OSBPL11: variants seen among roughly 807,000 people sequenced by gnomAD.
OSBPL11 encodes the protein oxysterol binding protein like 11, also known as oxysterol-binding protein-related protein 11.
Under a neutral mutation model 84.4 loss-of-function variants are expected in OSBPL11, and 33 were observed. The ratio of observed to expected loss-of-function variants is 0.39; its 90% CI spans 0.30 to 0.52. The LOEUF is 0.52. Among genes scored for constraint, OSBPL11 ranks in the 20% least tolerant of loss-of-function variants. The pLI, the probability that OSBPL11 is intolerant of heterozygous loss-of-function variation, is 0.72. For synonymous variants in OSBPL11, 276 were observed against 310.2 expected, an observed-to-expected ratio of 0.89 and a Z score of 1.16; for missense variants, 736 against 901.1, an observed-to-expected ratio of 0.82 and a Z score of 2.35.
chr3:125,545,168 T>C (rs889102727), intron 10 of OSBPL11, among the ~76,000 whole-genome samples: 2 of 152,226 alleles, frequency 1.3e-5, no homozygotes, highest in African/African-American at 4.8e-5. Context: ...GGAGAGCTAC[T>C]GAAGAAGACA....
chr3:125,594,046 G>A (rs980377183), intron 1 of OSBPL11, among the ~76,000 whole-genome samples: 2 of 152,188 alleles, frequency 1.3e-5, no homozygotes, highest in South Asian at 2.1e-4. Context: ...CATCAACACA[G>A]AGAGCATTGA....
At position 125,552,397 on chromosome 3, in the gene OSBPL11, C is replaced by T. The variant is rs1317502506; in HGVS notation, c.1438G>A (p.Gly480Arg). ...SSVFSSSSTQGVTNHAPLSGE... is the reference protein window; with the variant it reads ...SSVFSSSSTQRVTNHAPLSGE... ...GATAAAGGAGCATGATTTGTGACTC[C>T]CTGGGTGGAAGAACTGCTAAAAACA... The change falls in exon 9 of 13, where the codon GGA (glycine) becomes AGA (arginine). Residue 480 changes from glycine to arginine, a missense_variant. Gly to Arg is a moderately radical substitution (Grantham distance 125). Transcript: ENST00000296220. 7 of 1,613,926 alleles carry T rather than the reference C, an allele frequency of 4.3e-6. No individual in the cohort carries two copies. The highest frequency in any genetic ancestry group is 5.9e-6 in the Non-Finnish European group (7 of 1,180,004).
Position 125,531,727 on chromosome 3 carries a change from A to AGTT in OSBPL11, c.2178+131_2178+133dup, listed in dbSNP as rs1320891520. 57 of 828,500 alleles carry AGTT rather than the reference A, an allele frequency of 6.9e-5. No individual in the cohort carries two copies. In the African/African-American group the frequency reaches 9.6e-4, roughly 14 times the overall value. The allele number at this position is 828,500 out of a possible 1,614,324, so 51.3% of individuals were successfully genotyped here. ...GGTTACCCAGGCTGGTCTCAAAAACAGTTGGTATTTATATACAGCCATACT... is the reference window on the plus strand; with the variant it reads ...GGTTACCCAGGCTGGTCTCAAAAACAGTTGTTGGTATTTATATACAGCCATACT... On this transcript the variant is annotated intron_variant, in intron 12 of 12. Transcript: ENST00000296220.
intron 6 of OSBPL11, among the ~76,000 whole-genome samples, chr3:125,566,012 T>C (rs1338010559): frequency 6.6e-5 from 10 of 152,062 alleles, no homozygotes; most frequent in Non-Finnish European, 1.5e-4. Flanking sequence ...CACGTTATTA[T>C]TATTATTTTT....
At position 125,579,940 on chromosome 3, in the gene OSBPL11, C is replaced by T. The variant is rs1936395090; in HGVS notation, c.334G>A (p.Val112Ile). 6.2e-7 allele frequency: 1 copy of T among 1,614,216 alleles called. No individual in the cohort carries two copies. Among genetic ancestry groups the T allele is most frequent in the Non-Finnish European group, 8.5e-7 (1 of 1,180,030 alleles). The change falls in exon 3 of 13, where the codon GTA becomes ATA. Residue 112 changes from valine to isoleucine, a missense_variant. Coordinates refer to ENST00000296220, the MANE Select transcript of OSBPL11 (RefSeq NM_022776.5). ...PRGTLQLAGAVISPSDEDSHT... is the reference protein window; with the variant it reads ...PRGTLQLAGAIISPSDEDSHT... ...GAATCCTCATCACTGGGTGATATTA[C>T]AGCTCCTGCAAGCTGCAAAGTTCCT...
rs985586682 is a variant in OSBPL11, at chr3:125,532,022, C to A, written c.2025-8G>T. 1.9e-6 allele frequency: 3 copies of A among 1,593,356 alleles called. No homozygotes were observed. Among genetic ancestry groups the A allele is most frequent in the Non-Finnish European group, 1.7e-6 (2 of 1,173,216 alleles). On this transcript the variant is annotated splice_polypyrimidine_tract_variant and splice_region_variant and intron_variant, in intron 11 of 12. Coordinates refer to ENST00000296220, the MANE Select transcript of OSBPL11 (RefSeq NM_022776.5). The stretch of plus-strand genomic sequence containing the variant: ...ACATTTTTCCACAATCGCCTGAAAT[C>A]CAAAAACCACACATTTTACAAGCAT...
intron 8 of OSBPL11, among the ~76,000 whole-genome samples, chr3:125,554,985 G>A (rs1176060844): frequency 6.6e-6 from 1 of 151,786 alleles, no homozygotes; most frequent in Non-Finnish European, 1.5e-5. Flanking sequence ...AGGATACAAA[G>A]TACTGTTCTT....
chr3:125,588,372 C>T (rs1487727578), intron 1 of OSBPL11, among the ~76,000 whole-genome samples: 1 of 152,046 alleles, frequency 6.6e-6, no homozygotes, highest in East Asian at 1.9e-4. Context: ...CAGAGGTTGA[C>T]GATAATGTCA....
chr3:125,577,006 A>T (rs937162246), intron 4 of OSBPL11, among the ~76,000 whole-genome samples: 1 of 152,138 alleles, frequency 6.6e-6, no homozygotes, highest in African/African-American at 2.4e-5. Context: ...ATTAACACAG[A>T]AAATGCACTC....
At position 125,569,273 on chromosome 3, in the gene OSBPL11, C is replaced by T. The variant is rs745690891; in HGVS notation, c.667-1678G>A. Among the ~76,000 whole-genome samples, 12 of 151,818 alleles carry T rather than the reference C, an allele frequency of 7.9e-5. 1 individual carries two copies. Among genetic ancestry groups the T allele is most frequent in the Non-Finnish European group, 1.3e-4 (9 of 67,938 alleles). On this transcript the variant is annotated intron_variant, in intron 5 of 12. Transcript: ENST00000296220. ...CCAGGTGATTTTTAATATGGCTCAT[C>T]GGGGGCAAGTGAAAGAGGTGTACAA...
At chr3:125,577,761 G>T (rs559169059) in intron 4 of OSBPL11, among the ~76,000 whole-genome samples, 1 of 151,920 alleles carries the variant, frequency 6.6e-6, no homozygotes, top group African/African-American at 2.4e-5. Context: ...CTCGGGAGGC[G>T]GTGGTTGCAG....
intron 6 of OSBPL11, 118 bp downstream of exon 6, chr3:125,567,276 T>C: frequency 1.2e-6 from 1 of 840,986 alleles, no homozygotes; most frequent in Non-Finnish European, 1.9e-6. Context: ...ACCAACAGGC[T>C]CTGGTTTTCT....
chr3:125,560,447 C>T lies in OSBPL11; in HGVS notation c.1087G>A (p.Val363Ile), dbSNP rs910742951. The T allele has an allele frequency of 1.2e-6, 2 of 1,608,782 alleles. No individual in the cohort carries two copies. The highest frequency in any genetic ancestry group is 1.7e-6 in the Non-Finnish European group (2 of 1,176,954). Residue 363 changes from valine (V) to isoleucine (I), a missense_variant, in exon 8 of 13, where the codon GTA becomes ATA. Physicochemically the swap from Val to Ile is conservative, Grantham distance 29. Coordinates refer to ENST00000296220, the MANE Select transcript of OSBPL11 (RefSeq NM_022776.5). ...AGGATGACACTACGTTGTTCTTCTA[C>T]AGCTCCCAGGTCATCCTCTTTGTGG... is the stretch of plus-strand genomic sequence containing the variant. Reference protein sequence around the residue: ...CDHKEDDLGAVEEQRSVILHL... With the variant: ...CDHKEDDLGAIEEQRSVILHL...
chr3:125,537,077 T>C (rs907584227), intron 11 of OSBPL11, among the ~76,000 whole-genome samples: 2 of 150,788 alleles, frequency 1.3e-5, no homozygotes, highest in Non-Finnish European at 2.9e-5. Flanking sequence ...GGAGGATCAC[T>C]TGAACCTAGG....
intron 9 of OSBPL11, among the ~76,000 whole-genome samples, chr3:125,547,914 G>A (rs1243791178): frequency 2.0e-5 from 3 of 152,030 alleles, no homozygotes; most frequent in Admixed American, 2.0e-4. Flanking sequence ...TTTTGTGCTT[G>A]TTGCCCAGGC....
chr3:125,567,386 C>CA lies in OSBPL11; in HGVS notation c.868+7dup. 6.2e-7 allele frequency: 1 copy of CA among 1,607,536 alleles called. No homozygotes were observed. The highest frequency in any genetic ancestry group is 8.5e-7 in the Non-Finnish European group (1 of 1,174,108). On this transcript the variant is annotated splice_region_variant and intron_variant, in intron 6 of 12. Coordinates refer to ENST00000296220, the MANE Select transcript of OSBPL11 (RefSeq NM_022776.5). ...ATTGTGAAGCCCTACCTTTAATCGA[C>CA]AACTTACCTGAAGGCAATGAGCCCT...
Position 125,529,186 on chromosome 3 carries a change from GAAA to G in OSBPL11, c.*1326_*1328del, listed in dbSNP as rs1291838215. 6.6e-6 allele frequency: 1 copy of G among 152,450 alleles called. No homozygotes were observed. Among genetic ancestry groups the G allele is most frequent in the Admixed American group, 6.5e-5 (1 of 15,274 alleles). The allele number at this position is 152,450 out of a possible 1,614,324, so 9.4% of individuals were successfully genotyped here. ...ACACACTGATTGGAAGACCATATCA[GAAA>G]AAACAGAGTAAGGCACCACTCTTGG... On this transcript the variant is annotated 3_prime_UTR_variant, in exon 13 of 13. Transcript: ENST00000296220.
intron 1 of OSBPL11, among the ~76,000 whole-genome samples, chr3:125,585,917 T>A (rs1936503689): frequency 1.3e-5 from 2 of 152,170 alleles, no homozygotes; most frequent in Admixed American, 1.3e-4. Flanking sequence ...TCTCTAACTC[T>A]CATGCTTTAT....
rs60571172 is a variant in OSBPL11 at position 125,543,124 on chromosome 3, A to ATTT, written c.1841+4279_1841+4281dup. Among the ~76,000 whole-genome samples the ATTT allele has an allele frequency of 1.1e-3, 109 of 99,268 alleles. 1 individual carries two copies. The highest frequency in any genetic ancestry group is 1.8e-3 in the East Asian group (6 of 3,348). The allele number at this position is 99,268 out of a possible 152,430, so 65.1% of individuals were successfully genotyped here. A position where few individuals can be genotyped will look rare whatever the true frequency, so the allele number is the denominator to read the frequency against. On this transcript the variant is annotated intron_variant, in intron 10 of 12. Transcript: ENST00000296220. ...ACCTTTCCCTCCTGGGGCTAGTAAG[A>ATTT]TTTTTTTTTTTTTTTTTTTTTTTTT...
Sources: gnomAD v4.1 joint callset for allele counts (sites outside exome capture counted in the v4.1 genomes callset) on GRCh38, gnomAD v4.1.1 for gene constraint, MANE v1.5 for transcripts, NCBI Gene and HGNC (gene_info 2026-07-23, HGNC 2026-07-21) for gene names.